The following CDH4 variants were observed in gnomAD, a reference collection of about 807,000 sequenced individuals.
CDH4 encodes the protein cadherin-4.
In CDH4, 33 loss-of-function variants were observed where a neutral mutation model predicts 86.0. The ratio of observed to expected loss-of-function variants is 0.38; its 90% confidence interval spans 0.29 to 0.51. The LOEUF is 0.51. CDH4 is among the 20% of genes least tolerant of loss of function. The pLI is 0.86. For synonymous variants in CDH4, 555 were observed against 549.4 expected (o/e 1.01, Z -0.14); for missense variants, 1,114 against 1,307.4 (o/e 0.85, Z 2.28).
intron 2 of CDH4, among the ~76,000 whole-genome samples, chr20:61,361,818 C>T (rs969649520): frequency 6.6e-6 from 1 of 152,204 alleles, no homozygotes; most frequent in African/African-American, 2.4e-5. Context: ...GGGTGCCTGC[C>T]CGCAAGAAGA....
At chr20:61,857,799 A>G (rs956357157) in intron 6 of CDH4, among the ~76,000 whole-genome samples, 7 of 152,244 alleles carry the variant, frequency 4.6e-5, no homozygotes, top group African/African-American at 1.7e-4. Flanking sequence ...ACCGCAGTGC[A>G]GGTCACAGCC....
intron 2 of CDH4, among the ~76,000 whole-genome samples, chr20:61,605,939 G>A (rs1001781758): frequency 6.6e-6 from 1 of 151,216 alleles, no homozygotes; most frequent in African/African-American, 2.4e-5. Flanking sequence ...AAGCTGGTAA[G>A]TCAAGGACCT....
chr20:61,257,092 A>G (rs1168439534), intron 2 of CDH4, among the ~76,000 whole-genome samples: 1 of 152,230 alleles, frequency 6.6e-6, no homozygotes, highest in Non-Finnish European at 1.5e-5. Context: ...CAAGTTAAAC[A>G]GATAATGACT....
intron 7 of CDH4, among the ~76,000 whole-genome samples, chr20:61,874,350 A>G (rs922875344): frequency 6.6e-6 from 1 of 152,144 alleles, no homozygotes; most frequent in African/African-American, 2.4e-5. Flanking sequence ...GGGGGCATGG[A>G]GAAGCAGTGC....
At chr20:61,591,569 A>G (rs1317734835) in intron 2 of CDH4, among the ~76,000 whole-genome samples, 1 of 152,154 alleles carries the variant, frequency 6.6e-6, no homozygotes, top group Non-Finnish European at 1.5e-5. Flanking sequence ...ATCTCCTCAG[A>G]TGATTGTGGA....
At chr20:61,655,975 A>C (rs2087183092) in intron 2 of CDH4, among the ~76,000 whole-genome samples, 1 of 152,136 alleles carries the variant, frequency 6.6e-6, no homozygotes, top group South Asian at 2.1e-4. Context: ...CGAGGGTGAC[A>C]GCTTCAGATA....
At chr20:61,859,438 G>C (rs918230123) in intron 6 of CDH4, among the ~76,000 whole-genome samples, 2 of 152,174 alleles carry the variant, frequency 1.3e-5, no homozygotes, top group African/African-American at 4.8e-5. Flanking sequence ...TACGGAGCAG[G>C]CTTCAGCATC....
chr20:61,592,849 A>AC (rs1165391124), intron 2 of CDH4, among the ~76,000 whole-genome samples: 3 of 151,818 alleles, frequency 2.0e-5, no homozygotes, highest in Non-Finnish European at 4.4e-5. Flanking sequence ...AAAAATAATG[A>AC]CCCCCCAGAT....
chr20:61,499,141 T>C (rs1264184453), intron 2 of CDH4, among the ~76,000 whole-genome samples: 2 of 152,196 alleles, frequency 1.3e-5, no homozygotes, highest in South Asian at 2.1e-4. Context: ...TGAGCCTCCC[T>C]GCACTGTGGC....
At chr20:61,561,208 A>G (rs1049270448) in intron 2 of CDH4, among the ~76,000 whole-genome samples, 7 of 152,268 alleles carry the variant, frequency 4.6e-5, no homozygotes, top group Admixed American at 4.6e-4. Flanking sequence ...GGAATCCAGT[A>G]TCACCTCTGT....
intron 2 of CDH4, among the ~76,000 whole-genome samples, chr20:61,452,005 C>T (rs2085383497): frequency 1.3e-5 from 2 of 152,210 alleles, no homozygotes; most frequent in Admixed American, 6.5e-5. Context: ...ACATCCACCC[C>T]TTCAGTGTCC....
intron 7 of CDH4, among the ~76,000 whole-genome samples, chr20:61,875,231 C>T (rs1007196367): frequency 5.3e-5 from 8 of 152,256 alleles, no homozygotes; most frequent in Non-Finnish European, 4.4e-5. Flanking sequence ...TGGAAAATCC[C>T]ACCCGTCTCT....
chr20:61,422,468 C>A (rs8114220), intron 2 of CDH4, among the ~76,000 whole-genome samples: 30,266 of 68,124 alleles, frequency 0.44, 5,895 homozygotes, highest in East Asian at 0.65. Context: ...AAAAAAAAAA[C>A]CAAATCTCCC....
chr20:61,806,573 A>ATG (rs1555841700), intron 4 of CDH4, among the ~76,000 whole-genome samples: 4 of 110,702 alleles, frequency 3.6e-5, no homozygotes, highest in Admixed American at 8.7e-5. Flanking sequence ...GTCCACGCGC[A>ATG]CGCACACACA....
chr20:61,836,677 C>A (rs2146089219), intron 4 of CDH4, among the ~76,000 whole-genome samples: 1 of 152,344 alleles, frequency 6.6e-6, no homozygotes, highest in South Asian at 2.1e-4. Flanking sequence ...GGGGGGAAAA[C>A]AAGTGAGAAC....
At chr20:61,557,631 T>C (rs1173096693) in intron 2 of CDH4, among the ~76,000 whole-genome samples, 9 of 152,188 alleles carry the variant, frequency 5.9e-5, no homozygotes, top group Non-Finnish European at 1.3e-4. Context: ...TGCCGCTCTT[T>C]TACATTCTTG....
chr20:61,284,035 G>C (rs569246029), intron 2 of CDH4, among the ~76,000 whole-genome samples: 1 of 152,110 alleles, frequency 6.6e-6, no homozygotes, highest in African/African-American at 2.4e-5. Context: ...GGCCGGGCGC[G>C]GTGGCTCACA....
At chr20:61,633,385 TCATC>T (rs989993519) in intron 2 of CDH4, among the ~76,000 whole-genome samples, 9 of 149,752 alleles carry the variant, frequency 6.0e-5, no homozygotes, top group African/African-American at 2.2e-4. Flanking sequence ...ATTCATCTAT[TCATC>T]CATCCATCCA....
chr20:61,508,875 G>A (rs887865190), intron 2 of CDH4, among the ~76,000 whole-genome samples: 3 of 152,244 alleles, frequency 2.0e-5, no homozygotes, highest in Non-Finnish European at 1.5e-5. Flanking sequence ...GGGTTGGCAA[G>A]TGGCTTAGGA....
Sources: gnomAD v4.1 joint callset for allele counts (sites outside exome capture counted in the v4.1 genomes callset) on GRCh38, gnomAD v4.1.1 for gene constraint, MANE v1.5 for transcripts, NCBI Gene and HGNC (gene_info 2026-07-23, HGNC 2026-07-21) for gene names.